Variants in TNIK observed in about 807,000 individuals in gnomAD.
The protein encoded by TNIK is TRAF2 and NCK-interacting protein kinase.
TNIK carries 49 observed loss-of-function variants against 191.3 expected under a neutral mutation model. The ratio of observed to expected loss-of-function variants is 0.26; its 90% CI spans 0.20 to 0.32. The LOEUF is 0.32. Among genes scored for constraint, TNIK ranks in the 10% least tolerant of loss-of-function variants. The probability of loss-of-function intolerance (pLI) is 1.00; values close to 1 mark genes in which losing one functional copy is unlikely to be tolerated. For missense variants in TNIK, 1,155 were observed against 1,702.3 expected (o/e 0.68, Z 5.66); for synonymous variants, 594 against 600.9 (o/e 0.99, Z 0.17).
chr3:171,294,248 C>T (rs1435633135), intron 2 of TNIK, among the ~76,000 whole-genome samples: 1 of 147,636 alleles, frequency 6.8e-6, no homozygotes, highest in Admixed American at 6.7e-5. Flanking sequence ...AAACAAACAA[C>T]AACAAATAAA....
chr3:171,373,934 A>G (rs1280531907), intron 1 of TNIK, among the ~76,000 whole-genome samples: 2 of 152,210 alleles, frequency 1.3e-5, no homozygotes, highest in African/African-American at 2.4e-5. Flanking sequence ...CCATTTTCAC[A>G]TAGTGCTAGC....
At chr3:171,268,456 G>A (rs1315616754) in intron 2 of TNIK, among the ~76,000 whole-genome samples, 3 of 151,858 alleles carry the variant, frequency 2.0e-5, no homozygotes, top group African/African-American at 7.3e-5. Flanking sequence ...CTGCTACTTG[G>A]CTTTAAATCT....
intron 1 of TNIK, among the ~76,000 whole-genome samples, chr3:171,426,454 AAATGACGAGTTAATGGGTGC>A (rs1361067767): frequency 6.6e-6 from 1 of 151,182 alleles, no homozygotes; most frequent in Admixed American, 6.6e-5. Context: ...TACCTAATGT[AAATGACGAGTTAATGGGTGC>A]AGCACACCAA....
chr3:171,244,025 G>A (rs1345106848), intron 2 of TNIK, among the ~76,000 whole-genome samples: 1 of 151,466 alleles, frequency 6.6e-6, no homozygotes, highest in Admixed American at 6.6e-5. Flanking sequence ...CAATTGAAGA[G>A]GACTGCAATT....
intron 24 of TNIK, among the ~76,000 whole-genome samples, chr3:171,086,923 A>G (rs1288179018): frequency 1.3e-5 from 2 of 152,252 alleles, no homozygotes; most frequent in African/African-American, 2.4e-5. Context: ...TAAACAAATC[A>G]TTTAAACTTC....
At chr3:171,237,334 T>TG (rs949418349) in intron 2 of TNIK, among the ~76,000 whole-genome samples, 1 of 152,054 alleles carries the variant, frequency 6.6e-6, no homozygotes, top group Admixed American at 6.5e-5. Context: ...TAAAGTAATA[T>TG]GGGGGAAAAA....
chr3:171,191,675 A>G (rs1738085980), intron 5 of TNIK, among the ~76,000 whole-genome samples: 1 of 152,210 alleles, frequency 6.6e-6, no homozygotes, highest in African/African-American at 2.4e-5. Context: ...CATCACTGTC[A>G]TTTTTAGTTT....
rs529785448 is a variant in TNIK, at chr3:171,389,170, A to G, written c.58-19485T>C. ...TCTCCAATCTGTTCACAAGGGATCT[A>G]GCACAACCACCTGGTACTTATTAGG... On this transcript the variant is annotated intron_variant, in intron 1 of 32. Coordinates refer to ENST00000436636, the MANE Select transcript of TNIK (RefSeq NM_015028.4). 1.0e-3 allele frequency among the ~76,000 whole-genome samples: 159 copies of G among 152,310 alleles called. 2 individuals are homozygous for G. Among genetic ancestry groups the G allele is most frequent in the African/African-American group, 3.6e-3 (150 of 41,586 alleles).
At chr3:171,225,787 C>T (rs1742895690) in intron 3 of TNIK, 1 of 357,138 alleles carries the variant, frequency 2.8e-6, no homozygotes, top group Non-Finnish European at 5.5e-6. Context: ...CATCAACACA[C>T]ATTTTATGCC....
At chr3:171,112,956 T>C (rs1205625625) in intron 18 of TNIK, among the ~76,000 whole-genome samples, 1 of 152,104 alleles carries the variant, frequency 6.6e-6, no homozygotes, top group Non-Finnish European at 1.5e-5. Flanking sequence ...AATTCTTGGG[T>C]GAAAAGGCCT....
At chr3:171,347,178 C>G (rs1314877388) in intron 2 of TNIK, 1 of 1,513,396 alleles carries the variant, frequency 6.6e-7, no homozygotes, top group Non-Finnish European at 8.8e-7. Context: ...CTAGTTGGTT[C>G]TTGGAGTTGT....
At chr3:171,427,767 TG>T (rs1293411625) in intron 1 of TNIK, among the ~76,000 whole-genome samples, 2 of 152,172 alleles carry the variant, frequency 1.3e-5, no homozygotes, top group Non-Finnish European at 2.9e-5. Flanking sequence ...TACAGCCTAG[TG>T]GGCAGGGACA....
At chr3:171,344,604 G>T (rs933519147) in intron 2 of TNIK, among the ~76,000 whole-genome samples, 4 of 152,122 alleles carry the variant, frequency 2.6e-5, no homozygotes, top group Non-Finnish European at 4.4e-5. Context: ...GCTCAGAATT[G>T]TGAAAGTGAC....
chr3:171,398,184 T>C (rs1367750883), intron 1 of TNIK, among the ~76,000 whole-genome samples: 1 of 152,234 alleles, frequency 6.6e-6, no homozygotes. Flanking sequence ...GTTTTACTAT[T>C]AGCACTTTTC....
intron 2 of TNIK, among the ~76,000 whole-genome samples, chr3:171,357,429 C>T (rs1293548995): frequency 6.6e-6 from 1 of 151,884 alleles, no homozygotes; most frequent in African/African-American, 2.4e-5. Flanking sequence ...GCTGGGATTA[C>T]AGGCCCAGAC....
chr3:171,197,529 T>C (rs1411460441), intron 4 of TNIK, among the ~76,000 whole-genome samples: 1 of 152,172 alleles, frequency 6.6e-6, no homozygotes, highest in East Asian at 1.9e-4. Flanking sequence ...CTATCCAGAA[T>C]ATATAAAGAA....
At position 171,318,165 on chromosome 3, in the gene TNIK, C is replaced by T. The variant is rs553555216; in HGVS notation, c.123+51455G>A. On this transcript the variant is annotated intron_variant, in intron 2 of 32. Coordinates refer to ENST00000436636, the MANE Select transcript of TNIK (RefSeq NM_015028.4). ...AGGAGAGTCATACTATATAGTTTAG[C>T]CTGAACCTGGCCTATAGATTGAAAT... Among the ~76,000 whole-genome samples the T allele has an allele frequency of 2.0e-5, 3 of 152,236 alleles. No homozygotes were observed. The South Asian group carries it at 6.2e-4, about 32-fold the overall frequency.
At chr3:171,357,281 T>C (rs1170899604) in intron 2 of TNIK, among the ~76,000 whole-genome samples, 1 of 151,676 alleles carries the variant, frequency 6.6e-6, no homozygotes, top group Non-Finnish European at 1.5e-5. Flanking sequence ...CATTCCAAAC[T>C]CAGCAGAATT....
At position 171,211,362 on chromosome 3, in the gene TNIK, T is replaced by C. The variant is rs1157420818; in HGVS notation, c.181-121A>G. ...CTTCCTTGTTGACAAATGAGCATAA[T>C]TATTACATATGAGGGCAAAGAACAA... On this transcript the variant is annotated intron_variant, in intron 3 of 32. Transcript: ENST00000436636. The C allele has an allele frequency of 4.4e-4, 504 of 1,147,628 alleles. 6 individuals are homozygous for C. The highest frequency in any genetic ancestry group is 3.3e-5 in the Non-Finnish European group (27 of 821,742). 71.1% of individuals were successfully genotyped at this position (1,147,628 alleles called of 1,614,324 possible).
Sources: allele counts gnomAD v4.1 joint callset (sites outside exome capture counted in the v4.1 genomes callset), GRCh38; gene constraint gnomAD v4.1.1; transcripts MANE v1.5; gene names NCBI Gene and HGNC (gene_info 2026-07-23, HGNC 2026-07-21).